SLC1A3: variants seen among roughly 807,000 people sequenced by gnomAD.
The protein encoded by SLC1A3 is solute carrier family 1 member 3, also known as excitatory amino acid transporter 1.
In SLC1A3, 21 loss-of-function variants were observed where a neutral mutation model predicts 48.1. The ratio of observed to expected loss-of-function variants is 0.44; its 90% confidence interval spans 0.31 to 0.63. SLC1A3 has a LOEUF of 0.63. Ranked by LOEUF, SLC1A3 falls within the 20% of genes least tolerant of loss-of-function variation. The probability of loss-of-function intolerance (pLI) is 0.08; values close to 1 mark genes in which losing one functional copy is unlikely to be tolerated. For missense variants in SLC1A3, 546 were observed against 689.0 expected (o/e 0.79, Z 2.32); for synonymous variants, 239 against 251.4 (o/e 0.95, Z 0.47).
chr5:36,680,330 C>G (rs1561284849), intron 7 of SLC1A3, 65 bp from the exon 8 acceptor site: 1 of 1,403,744 alleles, frequency 7.1e-7, no homozygotes, highest in Admixed American at 1.7e-5. Context: ...TCCCAAAGAC[C>G]AAACGCACAG....
chr5:36,613,570 C>G (rs1214473059), intron 2 of SLC1A3: 1 of 152,300 alleles, frequency 6.6e-6, no homozygotes, highest in Non-Finnish European at 1.5e-5. Context: ...TCCTGAACCC[C>G]TGATAGCGGG....
intron 3 of SLC1A3, among the ~76,000 whole-genome samples, chr5:36,647,558 A>G (rs1300192795): frequency 6.6e-6 from 1 of 152,238 alleles, no homozygotes; most frequent in Non-Finnish European, 1.5e-5. Flanking sequence ...GAGAGACCAC[A>G]TGTATTAAAG....
chr5:36,677,252 C>T, intron 6 of SLC1A3, 68 bp downstream of exon 6: 1 of 1,427,558 alleles, frequency 7.0e-7, no homozygotes, highest in Non-Finnish European at 9.8e-7. Flanking sequence ...GTGTTCTGTA[C>T]TGAGGAAGGT....
chr5:36,641,336 ACTTTT>A (rs992392264), intron 3 of SLC1A3, among the ~76,000 whole-genome samples: 17 of 152,216 alleles, frequency 1.1e-4, no homozygotes, highest in Admixed American at 3.9e-4. Context: ...TAAGTTTATA[ACTTTT>A]CCCGAGTTTG....
At chr5:36,654,987 T>C (rs901194698) in intron 3 of SLC1A3, among the ~76,000 whole-genome samples, 11 of 152,344 alleles carry the variant, frequency 7.2e-5, no homozygotes, top group Admixed American at 2.6e-4. Flanking sequence ...GAGCTACCAG[T>C]TGCAGCATTG....
chr5:36,670,773 G>T (rs561329380), intron 3 of SLC1A3: 185 of 548,582 alleles, frequency 3.4e-4, no homozygotes, highest in African/African-American at 3.0e-3. Context: ...TATTGATTTG[G>T]CCATGTGAAA....
At chr5:36,672,710 T>C (rs1187301528) in intron 4 of SLC1A3, among the ~76,000 whole-genome samples, 5 of 152,166 alleles carry the variant, frequency 3.3e-5, no homozygotes, top group Non-Finnish European at 5.9e-5. Flanking sequence ...ATGTAAACAC[T>C]ACCCAAGGGG....
At chr5:36,627,985 C>G (rs1043158287) in intron 2 of SLC1A3, among the ~76,000 whole-genome samples, 4 of 152,170 alleles carry the variant, frequency 2.6e-5, no homozygotes, top group African/African-American at 9.7e-5. Context: ...CTAGGCAACA[C>G]CCAGCATATA....
upstream of SLC1A3, among the ~76,000 whole-genome samples, chr5:36,602,186 A>C (rs777526971): frequency 7.1e-6 from 1 of 140,130 alleles, no homozygotes; most frequent in Non-Finnish European, 1.5e-5. Context: ...TTTCTTTTCT[A>C]TCTGTCTTTA....
At chr5:36,622,670 G>T (rs563027005) in intron 2 of SLC1A3, among the ~76,000 whole-genome samples, 2 of 152,104 alleles carry the variant, frequency 1.3e-5, no homozygotes, top group Non-Finnish European at 2.9e-5. Context: ...CAGTGTGCAC[G>T]TTGTGTCTTA....
intron 3 of SLC1A3, among the ~76,000 whole-genome samples, chr5:36,646,043 T>C (rs1740828006): frequency 6.6e-6 from 1 of 152,230 alleles, no homozygotes; most frequent in Non-Finnish European, 1.5e-5. Flanking sequence ...ATTCCTTTTG[T>C]TCATTAAAGA....
intron 2 of SLC1A3, among the ~76,000 whole-genome samples, chr5:36,627,654 G>A (rs1739964182): frequency 6.6e-6 from 1 of 152,208 alleles, no homozygotes; most frequent in Admixed American, 6.5e-5. Context: ...AGACCTAAAA[G>A]TGATGTTTAT....
At position 36,608,598 on chromosome 5, in the gene SLC1A3, A is replaced by G; in HGVS notation, c.175A>G (p.Ile59Val). Residue 59 changes from isoleucine (I) to valine (V), a missense_variant, in exon 2 of 10, where the codon ATT (isoleucine) becomes GTT (valine). Ile to Val is a conservative substitution (Grantham distance 29). Around this residue, in one of 3 missense-constraint regions of SLC1A3, gnomAD observed 348 missense variants for 392.0 expected, o/e 0.89. Coordinates refer to ENST00000265113, the MANE Select transcript of SLC1A3 (RefSeq NM_004172.5). ...TGTGCTGCTCACAGTCACCGCTGTC[A>G]TTGTGGGTGAGTCATTTGATTAAAA... ...AFVLLTVTAV[I>V]VGTILGFTLR... 1 of 1,611,780 alleles carries G rather than the reference A, an allele frequency of 6.2e-7. No individual in the cohort carries two copies. Among genetic ancestry groups the G allele is most frequent in the South Asian group, 1.1e-5 (1 of 90,928 alleles).
intron 3 of SLC1A3, among the ~76,000 whole-genome samples, chr5:36,631,558 T>G (rs1740135676): frequency 6.6e-6 from 1 of 152,212 alleles, no homozygotes; most frequent in Non-Finnish European, 1.5e-5. Context: ...TAATATAAAA[T>G]GAACTTTTAA....
chr5:36,660,578 A>T (rs917746658), intron 3 of SLC1A3, among the ~76,000 whole-genome samples: 1 of 152,196 alleles, frequency 6.6e-6, no homozygotes, highest in East Asian at 1.9e-4. Context: ...TCCTGTTCCA[A>T]GGGAAGAATG....
At chr5:36,635,254 A>G (rs374034332) in intron 3 of SLC1A3, among the ~76,000 whole-genome samples, 1 of 152,110 alleles carries the variant, frequency 6.6e-6, no homozygotes, top group South Asian at 2.1e-4. Flanking sequence ...GTAAGTGATA[A>G]GATACCTGTG....
intron 3 of SLC1A3, among the ~76,000 whole-genome samples, chr5:36,632,526 G>T (rs1740175124): frequency 1.3e-5 from 2 of 152,220 alleles, no homozygotes; most frequent in Non-Finnish European, 2.9e-5. Flanking sequence ...ACTGCATTGT[G>T]TAGTAGCCAT....
intron 3 of SLC1A3, among the ~76,000 whole-genome samples, chr5:36,630,682 T>C (rs528339439): frequency 6.6e-6 from 1 of 152,328 alleles, no homozygotes; most frequent in East Asian, 1.9e-4. Flanking sequence ...AACTCAAAAG[T>C]CATGGAGGAA....
At chr5:36,636,818 G>A (rs1373290435) in intron 3 of SLC1A3, among the ~76,000 whole-genome samples, 2 of 152,030 alleles carry the variant, frequency 1.3e-5, no homozygotes, top group African/African-American at 4.8e-5. Flanking sequence ...AAGGGAGCCA[G>A]GAGACCTGAG....
Sources: allele counts gnomAD v4.1 joint callset (sites outside exome capture counted in the v4.1 genomes callset), GRCh38; gene constraint gnomAD v4.1.1; regional missense constraint gnomAD v4.1.1; transcripts MANE v1.5; gene names NCBI Gene and HGNC (gene_info 2026-07-23, HGNC 2026-07-21).